Variants in GPC6 observed in about 807,000 individuals in gnomAD.
GPC6 encodes glypican-6.
A neutral mutation model predicts 55.2 loss-of-function variants in GPC6; 14 were observed. The ratio of observed to expected loss-of-function variants is 0.25; its 90% CI spans 0.17 to 0.40. The LOEUF (loss-of-function observed/expected upper bound fraction) is 0.40, where lower values mean the gene tolerates loss of function less well. Among genes scored for constraint, GPC6 ranks in the 10% least tolerant of loss-of-function variants. The pLI, the probability that GPC6 is intolerant of heterozygous loss-of-function variation, is 1.00. For missense variants in GPC6, 641 were observed against 708.5 expected (o/e 0.90, Z 1.08); for synonymous variants, 278 against 259.6 (o/e 1.07, Z -0.68).
intron 4 of GPC6, among the ~76,000 whole-genome samples, chr13:94,200,156 A>T (rs1256244690): frequency 2.5e-5 from 1 of 39,392 alleles, no homozygotes; most frequent in Non-Finnish European, 4.4e-5. Flanking sequence ...AACTCTGTCT[A>T]AAAAAAAAAA....
chr13:94,175,073 C>T (rs1888699026), intron 4 of GPC6, among the ~76,000 whole-genome samples: 1 of 152,098 alleles, frequency 6.6e-6, no homozygotes, highest in South Asian at 2.1e-4. Context: ...TGTTCTGGAA[C>T]TTCTTATAAA....
chr13:94,177,859 A>G (rs1222702349), intron 4 of GPC6, among the ~76,000 whole-genome samples: 3 of 152,134 alleles, frequency 2.0e-5, no homozygotes, highest in African/African-American at 4.8e-5. Flanking sequence ...CAACTTAATC[A>G]TTGTCATCTT....
At chr13:93,903,627 G>A (rs1205143977) in intron 3 of GPC6, among the ~76,000 whole-genome samples, 2 of 152,160 alleles carry the variant, frequency 1.3e-5, no homozygotes, top group African/African-American at 4.8e-5. Flanking sequence ...ACTTAATGGA[G>A]CCTGTGCTGC....
intron 4 of GPC6, among the ~76,000 whole-genome samples, chr13:94,249,103 A>C (rs1483147257): frequency 6.6e-6 from 1 of 152,162 alleles, no homozygotes; most frequent in African/African-American, 2.4e-5. Context: ...ATAAGGCCAA[A>C]GCTTTAGGGA....
At chr13:93,597,524 T>G (rs932190849) in intron 2 of GPC6, among the ~76,000 whole-genome samples, 3 of 152,126 alleles carry the variant, frequency 2.0e-5, no homozygotes, top group South Asian at 4.1e-4. Flanking sequence ...AGTTGACCCT[T>G]GAGCAACATA....
At chr13:93,420,287 G>T (rs923367265) in intron 1 of GPC6, among the ~76,000 whole-genome samples, 2 of 152,100 alleles carry the variant, frequency 1.3e-5, no homozygotes, top group African/African-American at 4.8e-5. Flanking sequence ...GTCCTAGTTT[G>T]CTCTCTGATC....
intron 2 of GPC6, among the ~76,000 whole-genome samples, chr13:93,598,144 A>AAATAATAATAAT (rs377484568): frequency 1.4e-4 from 22 of 151,776 alleles, no homozygotes; most frequent in African/African-American, 3.9e-4. Context: ...CTCCATCTCA[A>AAATAATAATAAT]AATAATAATA....
rs74845319 is a variant in GPC6, at chr13:93,966,689, C to T, written c.712-61040C>T. Among the ~76,000 whole-genome samples the T allele has an allele frequency of 2.6e-3, 317 of 122,584 alleles. 2 individuals carry two copies. The highest frequency in any genetic ancestry group is 9.7e-3 in the African/African-American group (300 of 30,970). 80.4% of individuals were successfully genotyped at this position (122,584 alleles called of 152,430 possible). A position where few individuals can be genotyped will look rare whatever the true frequency, so the allele number is the denominator to read the frequency against. On this transcript the variant is annotated intron_variant, in intron 3 of 8. Transcript: ENST00000377047. ...TTTTTTTGAGATGTGGTCTCACTGT[C>T]GCCCAGGCTGAAGTACAGTGGCATG...
chr13:93,378,839 T>C (rs1411994206), intron 1 of GPC6, among the ~76,000 whole-genome samples: 1 of 151,640 alleles, frequency 6.6e-6, no homozygotes, highest in East Asian at 1.9e-4. Context: ...CTACAATAAA[T>C]ACAACAATTA....
At chr13:94,360,976 G>A (rs939249310) in intron 6 of GPC6, among the ~76,000 whole-genome samples, 4 of 152,178 alleles carry the variant, frequency 2.6e-5, no homozygotes, top group African/African-American at 4.8e-5. Flanking sequence ...CAATAAGATA[G>A]GAGTGATGGG....
intron 2 of GPC6, among the ~76,000 whole-genome samples, chr13:93,633,384 G>A (rs768986838): frequency 2.2e-4 from 34 of 152,084 alleles, no homozygotes; most frequent in Non-Finnish European, 2.4e-4. Flanking sequence ...AGTGGCTCAC[G>A]CTTGTAATCA....
intron 1 of GPC6, among the ~76,000 whole-genome samples, chr13:93,307,778 G>A (rs1878908816): frequency 1.3e-5 from 2 of 152,012 alleles, no homozygotes; most frequent in Admixed American, 6.6e-5. Context: ...TAAAACTATG[G>A]TGACTATGTT....
intron 3 of GPC6, among the ~76,000 whole-genome samples, chr13:93,976,573 T>G (rs957761335): frequency 6.7e-6 from 1 of 150,228 alleles, no homozygotes; most frequent in African/African-American, 2.4e-5. Context: ...ATTTGAGAGA[T>G]CGCTTCTTAA....
intron 2 of GPC6, among the ~76,000 whole-genome samples, chr13:93,772,788 G>C (rs554935523): frequency 4.1e-4 from 62 of 152,232 alleles, no homozygotes; most frequent in Admixed American, 1.0e-3. Flanking sequence ...GAAGAGCCCT[G>C]TCTCCTGGAG....
At chr13:94,135,206 AC>A (rs1346632223) in intron 4 of GPC6, among the ~76,000 whole-genome samples, 2 of 151,724 alleles carry the variant, frequency 1.3e-5, no homozygotes, top group African/African-American at 2.4e-5. Flanking sequence ...GACATGGGCT[AC>A]CGGAGCTGTA....
At chr13:94,367,786 T>C (rs1879346773) in intron 6 of GPC6, among the ~76,000 whole-genome samples, 1 of 152,146 alleles carries the variant, frequency 6.6e-6, no homozygotes, top group South Asian at 2.1e-4. Flanking sequence ...ACTTCCTACT[T>C]TTTTAAAATT....
intron 1 of GPC6, among the ~76,000 whole-genome samples, chr13:93,544,515 A>C (rs1027390676): frequency 2.0e-5 from 3 of 152,212 alleles, no homozygotes; most frequent in African/African-American, 7.2e-5. Flanking sequence ...GGAAATTCAC[A>C]TTTTATGCAA....
chr13:93,540,386 G>A (rs1244947474), intron 1 of GPC6, among the ~76,000 whole-genome samples: 1 of 152,102 alleles, frequency 6.6e-6, no homozygotes, highest in African/African-American at 2.4e-5. Flanking sequence ...GTATTTCTCT[G>A]AAATCCTAAT....
At position 93,738,119 on chromosome 13, in the gene GPC6, C is replaced by G. The variant is rs1477246725; in HGVS notation, c.320-92035C>G. Among the ~76,000 whole-genome samples, 9 of 152,292 alleles carry G rather than the reference C, an allele frequency of 5.9e-5. No homozygotes were observed. The East Asian group carries it at 1.5e-3, about 26-fold the overall frequency. Reference sequence around the variant, plus strand: ...TTTGCAAATAGCAACAAAATGCAATCTAAGTTAAGGAAAATGCTAGTGCTT... The same window carrying G: ...TTTGCAAATAGCAACAAAATGCAATGTAAGTTAAGGAAAATGCTAGTGCTT... On this transcript the variant is annotated intron_variant, in intron 2 of 8. Transcript: ENST00000377047.
Sources: allele counts gnomAD v4.1 joint callset (sites outside exome capture counted in the v4.1 genomes callset), GRCh38; gene constraint gnomAD v4.1.1; transcripts MANE v1.5; gene names NCBI Gene and HGNC (gene_info 2026-07-23, HGNC 2026-07-21).